The following SEMA5B variants were observed in gnomAD, a reference collection of about 807,000 sequenced individuals.
SEMA5B encodes the protein semaphorin-5B.
In SEMA5B, 66 loss-of-function variants were observed where a neutral mutation model predicts 135.0. That is an observed-to-expected ratio of 0.49 (90% confidence interval 0.40 to 0.60). The LOEUF (loss-of-function observed/expected upper bound fraction) is 0.60, where lower values mean the gene tolerates loss of function less well. SEMA5B is among the 20% of genes least tolerant of loss of function. SEMA5B has a pLI of 0.00. For missense variants in SEMA5B, 1,501 were observed against 1,566.3 expected (o/e 0.96, Z 0.70); for synonymous variants, 690 against 639.5 (o/e 1.08, Z -1.19).
chr3:122,999,502 G>A (rs559507677), intron 1 of SEMA5B, among the ~76,000 whole-genome samples: 1 of 152,216 alleles, frequency 6.6e-6, no homozygotes, highest in East Asian at 1.9e-4. Flanking sequence ...TGGGATTACA[G>A]GAGTGAGCCA....
In SEMA5B at chr3:122,943,525, C is replaced by T. The variant is rs566448051; in HGVS notation, c.339G>A (p.Pro113=). ...HPTVAFEDLQ[P]WVSNFTYPGA... ...CAGGGTAGGTGAAGTTAGAGACCCA[C>T]GGCTGCAGGTCTGGTGGAGGGAGAG... Residue 113 remains proline (P), a synonymous_variant, in exon 4 of 23, where the codon CCG becomes CCA. Transcript: ENST00000357599. The T allele has an allele frequency of 8.5e-5, 137 of 1,607,560 alleles. No homozygotes were observed. The highest frequency in any genetic ancestry group is 1.7e-4 in the Admixed American group (10 of 59,030).
At chr3:123,002,633 C>T (rs898528155) in intron 1 of SEMA5B, among the ~76,000 whole-genome samples, 1 of 152,146 alleles carries the variant, frequency 6.6e-6, no homozygotes, top group Non-Finnish European at 1.5e-5. Flanking sequence ...AGGGGCAGTC[C>T]CCAGCCAAAG....
intron 1 of SEMA5B, among the ~76,000 whole-genome samples, chr3:122,995,676 A>G (rs1417041467): frequency 1.3e-5 from 2 of 152,170 alleles, no homozygotes; most frequent in African/African-American, 2.4e-5. Context: ...ACAGCCCAGT[A>G]TCATGGGGAG....
intron 1 of SEMA5B, among the ~76,000 whole-genome samples, chr3:122,962,974 AC>A (rs1461634475): frequency 6.6e-6 from 1 of 152,156 alleles, no homozygotes; most frequent in Non-Finnish European, 1.5e-5. Flanking sequence ...GGGCACTCTG[AC>A]CCCAAAGCCC....
intron 1 of SEMA5B, among the ~76,000 whole-genome samples, chr3:123,011,869 C>A (rs918119287): frequency 1.3e-5 from 2 of 152,212 alleles, no homozygotes; most frequent in African/African-American, 4.8e-5. Context: ...AGAAACCCCG[C>A]TCTGGGGCTC....
Position 122,911,981 on chromosome 3 carries a change from C to T in SEMA5B, c.2985G>A (p.Gly995=), listed in dbSNP as rs375052745. Residue 995 remains glycine (G), a synonymous_variant, in exon 20 of 23, where the codon GGG becomes GGA. Coordinates refer to ENST00000357599, the MANE Select transcript of SEMA5B (RefSeq NM_001031702.4). ...TGCTGTTTCCAGCACAGGCGCTGGA[C>T]CCTGGGAGGAGCTCCTCACAGTGCC... ...RSRHCEELLP[G]SSACAGNSSQ... 4 of 1,613,136 alleles carry T rather than the reference C, an allele frequency of 2.5e-6. No homozygotes were observed. The highest frequency in any genetic ancestry group is 8.5e-7 in the Non-Finnish European group (1 of 1,179,618).
At chr3:122,976,402 C>A (rs1941321572) in intron 1 of SEMA5B, among the ~76,000 whole-genome samples, 1 of 152,084 alleles carries the variant, frequency 6.6e-6, no homozygotes, top group Non-Finnish European at 1.5e-5. Context: ...ATGCTTGGTA[C>A]ACAGAGAGAA....
chr3:122,999,385 C>G (rs1232388873), intron 1 of SEMA5B, among the ~76,000 whole-genome samples: 1 of 152,240 alleles, frequency 6.6e-6, no homozygotes, highest in South Asian at 2.1e-4. Flanking sequence ...TGTGACCATG[C>G]CCGGCTGATT....
At chr3:122,960,991 A>G (rs1940549149) in intron 2 of SEMA5B, 149 bp downstream of exon 2, 2 of 819,124 alleles carry the variant, frequency 2.4e-6, no homozygotes, top group Middle Eastern at 7.8e-4. Context: ...ATGTTACCAC[A>G]ATTTTTAAAA....
chr3:122,937,044 T>G (rs1241007165), intron 5 of SEMA5B, among the ~76,000 whole-genome samples: 4 of 152,220 alleles, frequency 2.6e-5, no homozygotes, highest in African/African-American at 9.6e-5. Context: ...TAAGTTTGCT[T>G]AAATCATGCC....
intron 1 of SEMA5B, among the ~76,000 whole-genome samples, chr3:122,978,054 C>G (rs7652165): frequency 0.27 from 40,885 of 151,978 alleles, 6,971 homozygotes; most frequent in African/African-American, 0.49. Context: ...ATGGCAGATG[C>G]GGAACCAGCC....
At chr3:122,916,885 TG>T (rs1938100670) in intron 12 of SEMA5B, among the ~76,000 whole-genome samples, 1 of 152,178 alleles carries the variant, frequency 6.6e-6, no homozygotes, top group Non-Finnish European at 1.5e-5. Context: ...CTCTCTACAG[TG>T]GCCCCAAAAT....
chr3:122,956,874 G>T (rs991476809), intron 2 of SEMA5B, among the ~76,000 whole-genome samples: 2 of 152,188 alleles, frequency 1.3e-5, no homozygotes, highest in African/African-American at 4.8e-5. Flanking sequence ...CGGGTGACGG[G>T]CTGCAGTCAG....
At chr3:123,021,831 T>C (rs1427552999) in intron 1 of SEMA5B, among the ~76,000 whole-genome samples, 2 of 152,248 alleles carry the variant, frequency 1.3e-5, no homozygotes, top group Admixed American at 6.5e-5. Context: ...TATGTTTATA[T>C]GCACATGTAT....
rs745665109 is a variant in SEMA5B at position 122,913,651 on chromosome 3, C to G, written c.2163G>C (p.Val721=). Residue 721 remains valine, a synonymous_variant, in exon 16 of 23, where the codon GTG becomes GTC. Transcript: ENST00000357599. ...AGCCCCAGGAAGCCCAGAAGATGGG[C>G]ACCGGGCAAGGCGTGTTCTCATTAC... is the stretch of plus-strand genomic sequence containing the variant. ...RFCNENTPCP[V]PIFWASWGSW... is the part of the protein sequence containing the mutation. 1.9e-6 allele frequency: 3 copies of G among 1,613,694 alleles called. No individual in the cohort carries two copies. The South Asian group carries it at 3.3e-5, about 18-fold the overall frequency.
At chr3:122,976,006 C>T in intron 1 of SEMA5B, 1 of 1,535,126 alleles carries the variant, frequency 6.5e-7, no homozygotes, top group Non-Finnish European at 8.7e-7. Flanking sequence ...CCACCTCGAT[C>T]CCTTCGCTTC....
At chr3:122,999,877 A>G (rs1013712060) in intron 1 of SEMA5B, among the ~76,000 whole-genome samples, 3 of 150,652 alleles carry the variant, frequency 2.0e-5, no homozygotes, top group Non-Finnish European at 3.0e-5. Context: ...GGACAGAGAG[A>G]AAAAGAGAGA....
At chr3:122,966,142 G>A (rs185338486) in intron 1 of SEMA5B, among the ~76,000 whole-genome samples, 74 of 152,104 alleles carry the variant, frequency 4.9e-4, no homozygotes, top group African/African-American at 1.7e-3. Context: ...TTCCCATGAT[G>A]CCCCCCACAC....
At chr3:123,022,849 C>T (rs1942717850) in intron 1 of SEMA5B, among the ~76,000 whole-genome samples, 1 of 152,190 alleles carries the variant, frequency 6.6e-6, no homozygotes, top group African/African-American at 2.4e-5. Context: ...ACCCTTCTGT[C>T]CCTTTCCTTT....
Sources: allele counts gnomAD v4.1 joint callset (sites outside exome capture counted in the v4.1 genomes callset), GRCh38; gene constraint gnomAD v4.1.1; transcripts MANE v1.5; gene names NCBI Gene and HGNC (gene_info 2026-07-23, HGNC 2026-07-21).